PFKFB1: variants seen among roughly 807,000 people sequenced by gnomAD.
PFKFB1 encodes 6-phosphofructo-2-kinase/fructose-2,6-biphosphatase 1.
In PFKFB1, 34 loss-of-function variants were observed where a neutral mutation model predicts 46.4. The observed-to-expected ratio is 0.73, with a 90% confidence interval of 0.56 to 0.98. The LOEUF (loss-of-function observed/expected upper bound fraction) is 0.98. PFKFB1 is among the 50% of genes least tolerant of loss of function. PFKFB1 has a pLI of 0.00. For missense variants in PFKFB1, 393 were observed against 376.3 expected, an observed-to-expected ratio of 1.04 and a Z score of -0.37; for synonymous variants, 119 against 133.8, an observed-to-expected ratio of 0.89 and a Z score of 0.76.
chrX:54,996,937 A>G (rs376553182), upstream of PFKFB1, among the ~76,000 whole-genome samples: 2 of 111,036 alleles, frequency 1.8e-5, no homozygotes, highest in African/African-American at 6.6e-5. Context: ...TATATTGCCC[A>G]CATGCTCCTA....
chrX:54,985,705 ATTAT>A (rs1419639965), intron 1 of PFKFB1, among the ~76,000 whole-genome samples: 5 of 110,362 alleles, frequency 4.5e-5, no homozygotes, highest in African/African-American at 9.8e-5. Flanking sequence ...ATAATGATGT[ATTAT>A]TTAGTTTTTA....
chrX:54,944,516 A>G (rs149621424), intron 10 of PFKFB1, among the ~76,000 whole-genome samples: 1,691 of 112,313 alleles, frequency 0.015, 20 homozygotes, highest in Non-Finnish European at 0.023. Flanking sequence ...AGAAGTTGAA[A>G]GTAAATGAAT....
At chrX:54,975,551 A>G (rs1366060026) in intron 1 of PFKFB1, among the ~76,000 whole-genome samples, 4 of 111,051 alleles carry the variant, frequency 3.6e-5, no homozygotes, top group Non-Finnish European at 7.6e-5. Flanking sequence ...CAGGTGACGG[A>G]TGCACCAAAA....
rs182170015 is a variant in PFKFB1 at position 54,993,167 on chromosome X, G to A, written c.97+744C>T. Among the ~76,000 whole-genome samples the A allele has an allele frequency of 3.7e-4, 42 of 112,068 alleles. No individual in the cohort carries two copies. In the East Asian group the frequency reaches 0.012, roughly 31 times the overall value. ...GCACCTTGGTCCACCACTGTCGCCT[G>A]TTATCTATGGGAAATGGTACACTCC... On this transcript the variant is annotated intron_variant, in intron 1 of 13. Transcript: ENST00000375006.
At chrX:54,934,898 G>T in intron 12 of PFKFB1, 49 bp downstream of exon 12, 2 of 1,035,500 alleles carry the variant, frequency 1.9e-6, no homozygotes, top group Non-Finnish European at 2.7e-6. Context: ...CTAGGGCCAT[G>T]CTCATAGCCT....
At chrX:54,963,688 T>C in intron 1 of PFKFB1, among the ~76,000 whole-genome samples, 1 of 112,100 alleles carries the variant, frequency 8.9e-6, no homozygotes, top group Non-Finnish European at 1.9e-5. Context: ...AATGAATTGC[T>C]AAAGGCTGGT....
chrX:54,949,637 G>A (rs1933908502), intron 8 of PFKFB1, among the ~76,000 whole-genome samples: 1 of 111,999 alleles, frequency 8.9e-6, no homozygotes, highest in South Asian at 3.7e-4. Context: ...CATGCTTGTG[G>A]ATAACCAAGT....
chrX:54,956,204 C>A lies in PFKFB1; in HGVS notation c.587G>T (p.Arg196Ile), dbSNP rs1253259797. 1 of 1,211,553 alleles carries A rather than the reference C, an allele frequency of 8.3e-7. No individual in the cohort carries two copies. Among genetic ancestry groups the A allele is most frequent in the South Asian group, 1.8e-5 (1 of 56,951 alleles). Residue 196 changes from arginine to isoleucine, a missense_variant, in exon 7 of 14, where the codon AGA (arginine) becomes ATA (isoleucine). Coordinates refer to ENST00000375006, the MANE Select transcript of PFKFB1 (RefSeq NM_002625.4). Reference sequence around the variant, plus strand: ...GTAGTTGACCTCATAGCACTCAATTCTCTTTAGAAAGTCTTCCAGAACCTT... The same window carrying A: ...GTAGTTGACCTCATAGCACTCAATTATCTTTAGAAAGTCTTCCAGAACCTT... ...REKVLEDFLK[R>I]IECYEVNYQP...
intron 8 of PFKFB1, among the ~76,000 whole-genome samples, chrX:54,950,844 C>G (rs192848352): frequency 8.9e-6 from 1 of 112,523 alleles, no homozygotes; most frequent in Non-Finnish European, 1.9e-5. Context: ...TGGGGCACCT[C>G]CCCCCATCTC....
At chrX:54,959,775 G>T in intron 4 of PFKFB1, 52 bp downstream of exon 4, 2 of 758,098 alleles carry the variant, frequency 2.6e-6, no homozygotes, top group East Asian at 3.3e-5. Context: ...GTACATATTA[G>T]CTAATTCCCT....
chrX:54,958,366 T>C lies in PFKFB1; in HGVS notation c.460-4A>G, dbSNP rs757551372. On this transcript the variant is annotated splice_polypyrimidine_tract_variant and splice_region_variant and intron_variant, in intron 5 of 13. Transcript: ENST00000375006. ...AAATGGACTCAATGAAAAACACCTA[T>C]AAAAGAAACAGAAAAGAGATTTCCA... 1.8e-6 allele frequency: 2 copies of C among 1,127,442 alleles called. No individual in the cohort carries two copies. Among genetic ancestry groups the C allele is most frequent in the East Asian group, 3.0e-5 (1 of 33,349 alleles). The allele number at this position is 1,127,442 out of a possible 1,213,427, so 92.9% of individuals were successfully genotyped here. A position where few individuals can be genotyped will look rare whatever the true frequency, so the allele number is the denominator to read the frequency against.
upstream of PFKFB1, among the ~76,000 whole-genome samples, chrX:54,997,242 T>C (rs1935370429): frequency 9.0e-6 from 1 of 111,529 alleles, no homozygotes; most frequent in Non-Finnish European, 1.9e-5. Flanking sequence ...AGGTAGGAGG[T>C]GGCATCCAGA....
chrX:54,988,204 C>G (rs1402803357), intron 1 of PFKFB1, among the ~76,000 whole-genome samples: 1 of 110,959 alleles, frequency 9.0e-6, no homozygotes, highest in Non-Finnish European at 1.9e-5. Context: ...TAGCCATGAG[C>G]AAACAAAATG....
intron 1 of PFKFB1, among the ~76,000 whole-genome samples, chrX:54,979,057 T>A (rs1934906772): frequency 8.9e-6 from 1 of 112,054 alleles, no homozygotes; most frequent in Admixed American, 9.5e-5. Flanking sequence ...AACTTACCCA[T>A]GTTAATTTAT....
At chrX:54,949,745 G>A (rs1045419406) in intron 8 of PFKFB1, among the ~76,000 whole-genome samples, 43 of 112,489 alleles carry the variant, frequency 3.8e-4, no homozygotes, top group Non-Finnish European at 6.9e-4. Context: ...ACCTCAAGTG[G>A]ACAGGCCATG....
intron 1 of PFKFB1, among the ~76,000 whole-genome samples, chrX:54,993,068 T>C (rs1935285533): frequency 8.9e-6 from 1 of 111,975 alleles, no homozygotes; most frequent in Non-Finnish European, 1.9e-5. Flanking sequence ...TTGGGGTGTC[T>C]GAGTCCCACA....
chrX:54,994,720 G>A (rs946243934), upstream of PFKFB1: 1 of 753,233 alleles, frequency 1.3e-6, no homozygotes, highest in African/African-American at 2.3e-5. Context: ...GGATTCTGCT[G>A]CCTTCCTTGC....
At chrX:54,964,082 G>C (rs1602203157) in intron 1 of PFKFB1, among the ~76,000 whole-genome samples, 1 of 110,092 alleles carries the variant, frequency 9.1e-6, no homozygotes, top group East Asian at 2.8e-4. Context: ...TCAGAAGAAA[G>C]GGCAACAGAA....
At chrX:54,972,846 G>A (rs1396810998) in intron 1 of PFKFB1, among the ~76,000 whole-genome samples, 4 of 111,443 alleles carry the variant, frequency 3.6e-5, no homozygotes, top group Non-Finnish European at 7.5e-5. Flanking sequence ...GATGATGCTC[G>A]TCTCATCAAA....
Sources: allele counts gnomAD v4.1 joint callset (sites outside exome capture counted in the v4.1 genomes callset), GRCh38; gene constraint gnomAD v4.1.1; transcripts MANE v1.5; gene names NCBI Gene and HGNC (gene_info 2026-07-23, HGNC 2026-07-21).